The following ANO3 variants were observed in gnomAD, a reference collection of about 807,000 sequenced individuals.
The protein encoded by ANO3 is anoctamin-3.
Under a neutral mutation model 144.8 loss-of-function variants are expected in ANO3, and 99 were observed. The ratio of observed to expected loss-of-function variants is 0.68; its 90% CI spans 0.58 to 0.81. The LOEUF is 0.81. ANO3 is among the 30% of genes least tolerant of loss of function. ANO3 has a pLI of 0.00. For synonymous variants in ANO3, 414 were observed against 392.6 expected, an observed-to-expected ratio of 1.05 and a Z score of -0.64; for missense variants, 905 against 1,202.2, an observed-to-expected ratio of 0.75 and a Z score of 3.66.
At chr11:26,420,998 C>T (rs1354425927) in intron 1 of ANO3, among the ~76,000 whole-genome samples, 1 of 151,908 alleles carries the variant, frequency 6.6e-6, no homozygotes, top group Non-Finnish European at 1.5e-5. Context: ...ATCAGATGGA[C>T]CTGGTTTGTT....
At chr11:26,565,338 T>G (rs761977068) in intron 14 of ANO3, 1 of 1,612,250 alleles carries the variant, frequency 6.2e-7, no homozygotes, top group Non-Finnish European at 8.5e-7. Context: ...AGAAGTTGGT[T>G]CTGAAGAGAG....
intron 4 of ANO3, among the ~76,000 whole-genome samples, chr11:26,482,578 C>T (rs1217585740): frequency 6.6e-6 from 1 of 151,560 alleles, no homozygotes; most frequent in Non-Finnish European, 1.5e-5. Flanking sequence ...GTATTTATTT[C>T]ATTATATTGT....
At chr11:26,534,323 A>ATT in intron 8 of ANO3, 133 bp from the exon 9 acceptor site, 1 of 530,620 alleles carries the variant, frequency 1.9e-6, no homozygotes. Context: ...TTCTCTGTCA[A>ATT]TTTTTTTTTA....
At chr11:26,194,769 T>C (rs1260108912) in intron 1 of ANO3, among the ~76,000 whole-genome samples, 2 of 152,120 alleles carry the variant, frequency 1.3e-5, no homozygotes, top group African/African-American at 4.8e-5. Flanking sequence ...TTTCACCATA[T>C]TGGTCAAGCT....
intron 24 of ANO3, among the ~76,000 whole-genome samples, chr11:26,655,391 A>G (rs967426727): frequency 4.6e-5 from 7 of 152,198 alleles, no homozygotes; most frequent in African/African-American, 1.4e-4. Context: ...TTCCCTAGGA[A>G]GGACTTTTCT....
intron 14 of ANO3, among the ~76,000 whole-genome samples, chr11:26,572,842 T>C (rs1850880270): frequency 6.6e-6 from 1 of 152,174 alleles, no homozygotes; most frequent in Non-Finnish European, 1.5e-5. Context: ...AGAATGGCCA[T>C]GTGATCCTCA....
intron 1 of ANO3, among the ~76,000 whole-genome samples, chr11:26,302,778 G>A (rs550199717): frequency 1.3e-3 from 191 of 152,132 alleles, no homozygotes; most frequent in African/African-American, 3.2e-3. Context: ...ATATATATGT[G>A]TTTAGAAATT....
intron 1 of ANO3, among the ~76,000 whole-genome samples, chr11:26,427,849 G>A (rs187741236): frequency 1.2e-3 from 178 of 152,246 alleles, no homozygotes; most frequent in Non-Finnish European, 2.3e-3. Context: ...TTCTTCTCAT[G>A]GCGGCAGCAA....
chr11:26,254,605 T>A (rs1051953826), intron 1 of ANO3, among the ~76,000 whole-genome samples: 2 of 152,156 alleles, frequency 1.3e-5, no homozygotes, highest in Admixed American at 6.5e-5. Flanking sequence ...CGCTTATGCA[T>A]TTTGTTATGC....
intron 1 of ANO3, among the ~76,000 whole-genome samples, chr11:26,414,664 G>A (rs559395879): frequency 3.0e-4 from 46 of 151,484 alleles, no homozygotes; most frequent in African/African-American, 1.0e-3. Context: ...CCTAGATGAC[G>A]GGTTGATAGG....
intron 4 of ANO3, among the ~76,000 whole-genome samples, chr11:26,497,963 T>C (rs1861033971): frequency 6.6e-6 from 1 of 152,064 alleles, no homozygotes; most frequent in Non-Finnish European, 1.5e-5. Flanking sequence ...TTGGCAGAAG[T>C]GCAGAATAAC....
rs939908063 is a variant in ANO3, at chr11:26,557,176, A to C, written c.1387-2543A>C. On this transcript the variant is annotated intron_variant, in intron 13 of 26. Transcript: ENST00000256737. ...ATGCCTAGTCATCTTAACAATGTTG[A>C]ACAAGCCAGGCGCGGTGGCTCACAC... Among the ~76,000 whole-genome samples, 3 of 152,178 alleles carry C rather than the reference A, an allele frequency of 2.0e-5. No individual in the cohort carries two copies. The East Asian group carries it at 5.8e-4, about 29-fold the overall frequency.
chr11:26,370,944 A>G (rs888707218), intron 1 of ANO3, among the ~76,000 whole-genome samples: 2 of 152,258 alleles, frequency 1.3e-5, no homozygotes, highest in Non-Finnish European at 2.9e-5. Flanking sequence ...ATAGAAAAGA[A>G]AAACCCATTT....
intron 1 of ANO3, among the ~76,000 whole-genome samples, chr11:26,363,829 C>CAAAA (rs11424661): frequency 1.4e-5 from 2 of 147,764 alleles, no homozygotes; most frequent in African/African-American, 2.5e-5. Flanking sequence ...ATACATACTG[C>CAAAA]AAAAAAAAAA....
At chr11:26,543,470 T>TC (rs1554967573) in intron 11 of ANO3, among the ~76,000 whole-genome samples, 1 of 151,802 alleles carries the variant, frequency 6.6e-6, no homozygotes, top group Non-Finnish European at 1.5e-5. Flanking sequence ...TCTTTTTTTT[T>TC]AATTATATTT....
At chr11:26,244,454 G>A (rs982626491) in intron 1 of ANO3, among the ~76,000 whole-genome samples, 3 of 150,678 alleles carry the variant, frequency 2.0e-5, no homozygotes, top group African/African-American at 5.0e-5. Flanking sequence ...ATACCACTTA[G>A]TCAGTGAGAA....
At chr11:26,465,658 G>A (rs1035919453) in intron 4 of ANO3, among the ~76,000 whole-genome samples, 1 of 151,856 alleles carries the variant, frequency 6.6e-6, no homozygotes, top group East Asian at 1.9e-4. Context: ...GCAACCTGAT[G>A]TCTTATATTG....
chr11:26,554,966 C>T (rs1287299410), intron 13 of ANO3, among the ~76,000 whole-genome samples: 2 of 152,230 alleles, frequency 1.3e-5, no homozygotes, highest in South Asian at 2.1e-4. Flanking sequence ...CTTACTCCAT[C>T]TTTTCCAGAG....
chr11:26,417,061 C>T (rs986675554), intron 1 of ANO3, among the ~76,000 whole-genome samples: 1 of 152,034 alleles, frequency 6.6e-6, no homozygotes, highest in Non-Finnish European at 1.5e-5. Context: ...AGTTAACATA[C>T]TATTGGATTC....
Sources: gnomAD v4.1 joint callset for allele counts (sites outside exome capture counted in the v4.1 genomes callset) on GRCh38, gnomAD v4.1.1 for gene constraint, MANE v1.5 for transcripts, NCBI Gene and HGNC (gene_info 2026-07-23, HGNC 2026-07-21) for gene names.